Variants in TM4SF4 observed in about 807,000 individuals in gnomAD.
The protein encoded by TM4SF4 is transmembrane 4 L six family member 4.
Under a neutral mutation model 24.1 loss-of-function variants are expected in TM4SF4, and 24 were observed. That is an observed-to-expected ratio of 1.00 (90% confidence interval 0.72 to 1.40). TM4SF4 has a LOEUF of 1.40. Among genes scored for constraint, TM4SF4 ranks in the 40% most tolerant of loss-of-function variants. The pLI is 0.00. For missense variants in TM4SF4, 254 were observed against 254.2 expected, an observed-to-expected ratio of 1.00 and a Z score of 0.01; for synonymous variants, 113 against 97.0, an observed-to-expected ratio of 1.17 and a Z score of -0.97.
At chr3:149,487,815 C>T in intron 3 of TM4SF4, 60 bp downstream of exon 3, 2 of 1,593,424 alleles carry the variant, frequency 1.3e-6, no homozygotes, top group South Asian at 1.1e-5. Flanking sequence ...AGATAAATTG[C>T]CCAAGGGGAG....
chr3:149,485,862 A>G (rs1358810646), intron 2 of TM4SF4, among the ~76,000 whole-genome samples: 1 of 152,202 alleles, frequency 6.6e-6, no homozygotes, highest in Non-Finnish European at 1.5e-5. Context: ...GCTGTGATAG[A>G]AATTTGTGCA....
At chr3:149,479,179 C>T (rs985142395) in intron 2 of TM4SF4, among the ~76,000 whole-genome samples, 1 of 152,136 alleles carries the variant, frequency 6.6e-6, no homozygotes, top group Non-Finnish European at 1.5e-5. Flanking sequence ...TTTGGCACAA[C>T]AGCACCCTTC....
intron 4 of TM4SF4, among the ~76,000 whole-genome samples, chr3:149,501,322 C>T (rs551292592): frequency 3.5e-5 from 5 of 144,582 alleles, no homozygotes; most frequent in Admixed American, 3.3e-4. Flanking sequence ...CCATTTTTTT[C>T]CCTTCCTTTC....
intron 3 of TM4SF4, among the ~76,000 whole-genome samples, chr3:149,498,101 C>T (rs1376806054): frequency 2.0e-5 from 3 of 152,112 alleles, no homozygotes; most frequent in African/African-American, 7.2e-5. Flanking sequence ...GTGAGAGATT[C>T]CTACATGTTA....
rs777980728 is a variant in TM4SF4 at position 149,474,988 on chromosome 3, T to G, written c.111T>G (p.Asp37Glu). The G allele has an allele frequency of 1.9e-6, 3 of 1,613,938 alleles. No homozygotes were observed. Among genetic ancestry groups the G allele is most frequent in the Middle Eastern group, 1.6e-4 (1 of 6,062 alleles). Reference protein sequence around the residue: ...LLFFPGGKVIDDNDHLSQEIW... With the variant: ...LLFFPGGKVIEDNDHLSQEIW... ...TTTTTCCTGGAGGAAAAGTGATAGA[T>G]GACAACGACCACCTTTCCCAAGAGA... is the stretch of plus-strand genomic sequence containing the variant. The change falls in exon 1 of 5, where the codon GAT (aspartate) becomes GAG (glutamate). Residue 37 changes from aspartate to glutamate, a missense_variant. Physicochemically the swap from Asp to Glu is conservative, Grantham distance 45 (BLOSUM62 2). Transcript: ENST00000305354.
chr3:149,502,437 G>C (rs1342776928), intron 4 of TM4SF4, among the ~76,000 whole-genome samples: 1 of 151,904 alleles, frequency 6.6e-6, no homozygotes, highest in Admixed American at 6.6e-5. Context: ...TAACTTCCTT[G>C]AGGACTAAAT....
chr3:149,486,020 C>T (rs534155498), intron 2 of TM4SF4, among the ~76,000 whole-genome samples: 1 of 151,980 alleles, frequency 6.6e-6, no homozygotes, highest in Middle Eastern at 3.2e-3. Flanking sequence ...ATTAAAAAGA[C>T]TTTTTTTAAA....
At chr3:149,496,238 C>G (rs1734308176) in intron 3 of TM4SF4, among the ~76,000 whole-genome samples, 1 of 151,606 alleles carries the variant, frequency 6.6e-6, no homozygotes, top group Non-Finnish European at 1.5e-5. Flanking sequence ...GAGATGGGGT[C>G]TCACTCTGTC....
At position 149,480,974 on chromosome 3, in the gene TM4SF4, T is replaced by C. The variant is rs541578544; in HGVS notation, c.264+5062T>C. On this transcript the variant is annotated intron_variant, in intron 2 of 4. Coordinates refer to ENST00000305354, the MANE Select transcript of TM4SF4 (RefSeq NM_004617.4). The stretch of plus-strand genomic sequence containing the variant: ...CTCCTGGATTCACGCGATTCTCCTG[T>C]CTCAGCCTCCCGGGTAGCTGGGATT... Among the ~76,000 whole-genome samples, 3 of 152,062 alleles carry C rather than the reference T, an allele frequency of 2.0e-5. No homozygotes were observed. The South Asian group carries it at 6.2e-4, about 32-fold the overall frequency.
At chr3:149,492,485 C>A (rs1460050804) in intron 3 of TM4SF4, among the ~76,000 whole-genome samples, 1 of 152,058 alleles carries the variant, frequency 6.6e-6, no homozygotes, top group Non-Finnish European at 1.5e-5. Flanking sequence ...GGTCTTCCTC[C>A]CTGAGACAAT....
At chr3:149,500,712 A>C (rs1183405095) in intron 4 of TM4SF4, among the ~76,000 whole-genome samples, 1 of 152,216 alleles carries the variant, frequency 6.6e-6, no homozygotes, top group Non-Finnish European at 1.5e-5. Flanking sequence ...TTTATTGAAA[A>C]TATGATTACT....
chr3:149,496,898 G>T (rs72996062), intron 3 of TM4SF4, among the ~76,000 whole-genome samples: 2 of 152,044 alleles, frequency 1.3e-5, no homozygotes, highest in Admixed American at 6.5e-5. Flanking sequence ...TGCTGGCTGG[G>T]CGTGGTGACT....
At chr3:149,493,801 G>A (rs1464927839) in intron 3 of TM4SF4, among the ~76,000 whole-genome samples, 1 of 152,150 alleles carries the variant, frequency 6.6e-6, no homozygotes, top group African/African-American at 2.4e-5. Flanking sequence ...ACAGAGCGCT[G>A]GGGAGCACAG....
intron 3 of TM4SF4, among the ~76,000 whole-genome samples, chr3:149,498,450 T>G (rs1231456957): frequency 6.6e-6 from 1 of 152,214 alleles, no homozygotes; most frequent in Non-Finnish European, 1.5e-5. Context: ...TGCTTCCTTA[T>G]TTGTGAAACC....
intron 2 of TM4SF4, among the ~76,000 whole-genome samples, chr3:149,482,994 G>T (rs1734061439): frequency 6.6e-6 from 1 of 152,168 alleles, no homozygotes; most frequent in South Asian, 2.1e-4. Context: ...AAAGCAACAT[G>T]ACGCAGCATG....
At chr3:149,488,411 G>A (rs1194593468) in intron 3 of TM4SF4, among the ~76,000 whole-genome samples, 1 of 152,226 alleles carries the variant, frequency 6.6e-6, no homozygotes, top group Admixed American at 6.5e-5. Context: ...TAGCTTCAAA[G>A]TCACATTGTT....
At chr3:149,485,784 C>A (rs894854988) in intron 2 of TM4SF4, among the ~76,000 whole-genome samples, 36 of 150,460 alleles carry the variant, frequency 2.4e-4, no homozygotes, top group African/African-American at 8.7e-4. Context: ...CAGGGCAAGA[C>A]CCTGTCTAAA....
intron 3 of TM4SF4, among the ~76,000 whole-genome samples, chr3:149,490,425 T>G (rs1313041815): frequency 6.6e-6 from 1 of 152,240 alleles, no homozygotes; most frequent in Non-Finnish European, 1.5e-5. Flanking sequence ...TTTCATTTGA[T>G]CCTCACAAAA....
At chr3:149,499,699 A>C (rs1734380949) in intron 4 of TM4SF4, among the ~76,000 whole-genome samples, 1 of 152,134 alleles carries the variant, frequency 6.6e-6, no homozygotes, top group East Asian at 1.9e-4. Context: ...AAAAGACTCA[A>C]ATTATTTTAT....
Sources: allele counts gnomAD v4.1 joint callset (sites outside exome capture counted in the v4.1 genomes callset), GRCh38; gene constraint gnomAD v4.1.1; transcripts MANE v1.5; gene names NCBI Gene and HGNC (gene_info 2026-07-23, HGNC 2026-07-21).